Variants in CD72 observed in about 807,000 individuals in gnomAD.
CD72 encodes the protein CD72 molecule.
In CD72, 28 loss-of-function variants were observed where a neutral mutation model predicts 50.7. The ratio of observed to expected loss-of-function variants is 0.55; its 90% CI spans 0.41 to 0.76. CD72 has a LOEUF of 0.76. Ranked by LOEUF, CD72 falls within the 30% of genes least tolerant of loss-of-function variation. The pLI, the probability that CD72 is intolerant of heterozygous loss-of-function variation, is 0.00. For synonymous variants in CD72, 176 were observed against 171.2 expected (o/e 1.03, Z -0.22); for missense variants, 403 against 420.6 (o/e 0.96, Z 0.37).
chr9:35,627,375 C>T (rs531399183), intron 1 of CD72, among the ~76,000 whole-genome samples: 1 of 152,016 alleles, frequency 6.6e-6, no homozygotes, highest in Non-Finnish European at 1.5e-5. Context: ...AGCAATTCAC[C>T]CACCTCGGCC....
chr9:35,615,048 T>G (rs535911729), intron 5 of CD72, among the ~76,000 whole-genome samples: 1 of 152,110 alleles, frequency 6.6e-6, no homozygotes, highest in Non-Finnish European at 1.5e-5. Context: ...GCAGGAGTGG[T>G]GGGCAGCTGT....
At chr9:35,636,774 G>A (rs914618454) in intron 1 of CD72, among the ~76,000 whole-genome samples, 1 of 152,186 alleles carries the variant, frequency 6.6e-6, no homozygotes, top group Non-Finnish European at 1.5e-5. Context: ...TGGAACTAGA[G>A]GAGCAGGATC....
At chr9:35,611,994 G>A in intron 6 of CD72, 75 bp from the exon 7 acceptor site, 2 of 830,080 alleles carry the variant, frequency 2.4e-6, no homozygotes, top group Non-Finnish European at 4.2e-6. Context: ...ACACCCTAGG[G>A]AGGCCTCAGC....
chr9:35,611,989 C>A, intron 6 of CD72, 70 bp from the exon 7 acceptor site: 2 of 844,082 alleles, frequency 2.4e-6, no homozygotes, highest in Non-Finnish European at 2.0e-6. Context: ...AATGCACACC[C>A]TAGGGAGGCC....
At position 35,610,008 on chromosome 9, in the gene CD72, G is replaced by A. The variant is rs1822948235; in HGVS notation, c.*315C>T. ...TATTTAAAAAGATTTCAATAAAACT[G>A]CCTGGCTGGCTCCGGGCCGCCCCTA... is the stretch of plus-strand genomic sequence containing the variant. On this transcript the variant is annotated 3_prime_UTR_variant, in exon 9 of 9. Transcript: ENST00000259633. 4.7e-6 allele frequency: 2 copies of A among 428,770 alleles called. No individual in the cohort carries two copies. Among genetic ancestry groups the A allele is most frequent in the Non-Finnish European group, 8.2e-6 (2 of 243,098 alleles). 26.6% of individuals were successfully genotyped at this position (428,770 alleles called of 1,614,324 possible).
At chr9:35,625,689 ACT>A (rs1413058606) in intron 1 of CD72, among the ~76,000 whole-genome samples, 4 of 152,176 alleles carry the variant, frequency 2.6e-5, no homozygotes, top group African/African-American at 7.2e-5. Context: ...GGACAGGTTG[ACT>A]CTCTTGTTAG....
chr9:35,623,465 T>C (rs1823163355), upstream of CD72, among the ~76,000 whole-genome samples: 1 of 150,698 alleles, frequency 6.6e-6, no homozygotes, highest in Admixed American at 6.6e-5. Flanking sequence ...CCTATAGCCC[T>C]TTTTTTTTGT....
upstream of CD72, among the ~76,000 whole-genome samples, chr9:35,622,801 T>A (rs372126715): frequency 0.021 from 3,007 of 144,116 alleles, 44 homozygotes; most frequent in African/African-American, 0.038. Context: ...AAAATAATAA[T>A]AATAATAATA....
In CD72 at chr9:35,615,952, C is replaced by A. The variant is rs369607583; in HGVS notation, c.679G>T (p.Gly227Cys). 4 of 1,612,794 alleles carry A rather than the reference C, an allele frequency of 2.5e-6. No homozygotes were observed. The East Asian group carries it at 6.7e-5, about 27-fold the overall frequency. The part of the protein sequence containing the change: ...ENRLKPFFTC[G>C]SADTCCPSGW... ...TCCCCAGAGCGGATACCTGCTGAGC[C>A]GCATGTGAAGAAGGGCTTCAGTCTG... The change falls in exon 5 of 9, where the codon GGC becomes TGC. Residue 227 changes from glycine (G) to cysteine (C), a missense_variant. Physicochemically the swap from Gly to Cys is radical, Grantham distance 159. Coordinates refer to ENST00000259633, the MANE Select transcript of CD72 (RefSeq NM_001782.3).
intron 4 of CD72, 41 bp downstream of exon 4, chr9:35,616,559 G>T (rs370820275): frequency 5.3e-5 from 79 of 1,489,064 alleles, no homozygotes; most frequent in Non-Finnish European, 7.3e-5. Context: ...CGGGACGAAA[G>T]TCGTTCGGTG....
At chr9:35,624,551 G>A (rs893507516) in intron 1 of CD72, among the ~76,000 whole-genome samples, 1 of 152,122 alleles carries the variant, frequency 6.6e-6, no homozygotes, top group African/African-American at 2.4e-5. Context: ...CCTGGCAGAG[G>A]TGACTGAACC....
chr9:35,612,776 T>C (rs1248225204), intron 6 of CD72, 72 bp downstream of exon 6: 4 of 1,442,312 alleles, frequency 2.8e-6, no homozygotes, highest in African/African-American at 2.8e-5. Flanking sequence ...TGCACTGCCA[T>C]TCCTGACTTG....
At chr9:35,624,567 G>T (rs1174790081) in intron 1 of CD72, among the ~76,000 whole-genome samples, 1 of 152,140 alleles carries the variant, frequency 6.6e-6, no homozygotes, top group African/African-American at 2.4e-5. Flanking sequence ...GAACCTGATT[G>T]CCTGATTATC....
chr9:35,625,667 C>A (rs1162204281), intron 1 of CD72, among the ~76,000 whole-genome samples: 2 of 152,232 alleles, frequency 1.3e-5, no homozygotes, highest in Non-Finnish European at 2.9e-5. Flanking sequence ...TGCCTGGCTT[C>A]AAATCTTCAA....
intron 1 of CD72, among the ~76,000 whole-genome samples, chr9:35,625,928 C>T (rs1433119952): frequency 6.6e-6 from 1 of 152,162 alleles, no homozygotes; most frequent in Non-Finnish European, 1.5e-5. Context: ...CAAGATATTA[C>T]TGCTCATTGG....
At chr9:35,610,568 C>T (rs1822963646) in intron 8 of CD72, 34 bp downstream of exon 8, 3 of 1,543,402 alleles carry the variant, frequency 1.9e-6, no homozygotes, top group Non-Finnish European at 2.6e-6. Flanking sequence ...TGCCCCTGGA[C>T]TCCCCATGCC....
chr9:35,618,502 G>T, upstream of CD72: 3 of 1,336,672 alleles, frequency 2.2e-6, no homozygotes, highest in South Asian at 3.8e-5. Flanking sequence ...GAAGCAGAAG[G>T]CATCCCTGGG....
rs1489118303 is a variant in CD72, at chr9:35,611,890, C to T, written c.864G>A (p.Leu288=). 1.2e-6 allele frequency: 2 copies of T among 1,608,560 alleles called. No individual in the cohort carries two copies. The highest frequency in any genetic ancestry group is 1.7e-6 in the Non-Finnish European group (2 of 1,175,002). The change falls in exon 7 of 9, where the codon TTG becomes TTA. Residue 288 remains leucine, a synonymous_variant. Coordinates refer to ENST00000259633, the MANE Select transcript of CD72 (RefSeq NM_001782.3). ...SHSYYFLNSL[L]PNGGSGNSYW... ...ATGAATTCCCTGAACCACCATTTGG[C>T]AACAGTGAATTTAAGAAGTAGTAAG... is the stretch of plus-strand genomic sequence containing the variant.
chr9:35,635,110 A>G (rs766299174), intron 1 of CD72, among the ~76,000 whole-genome samples: 1 of 152,232 alleles, frequency 6.6e-6, no homozygotes, highest in Admixed American at 6.5e-5. Flanking sequence ...TCAGGGTTGC[A>G]GATGAGAAAA....
Sources: gnomAD v4.1 joint callset for allele counts (sites outside exome capture counted in the v4.1 genomes callset) on GRCh38, gnomAD v4.1.1 for gene constraint, MANE v1.5 for transcripts, NCBI Gene and HGNC (gene_info 2026-07-23, HGNC 2026-07-21) for gene names.